Variants in NWD1 observed in about 807,000 individuals in gnomAD.
NWD1 encodes the protein NACHT domain- and WD repeat-containing protein 1.
NWD1 carries 129 observed loss-of-function variants against 135.1 expected under a neutral mutation model. That is an observed-to-expected ratio of 0.96 (90% CI 0.83 to 1.11). The LOEUF (loss-of-function observed/expected upper bound fraction) is 1.11. NWD1 is among the 50% of genes least tolerant of loss of function. The pLI, the probability that NWD1 is intolerant of heterozygous loss-of-function variation, is 0.00. For missense variants in NWD1, 1,740 were observed against 1,851.3 expected, an observed-to-expected ratio of 0.94 and a Z score of 1.10; for synonymous variants, 773 against 786.0, an observed-to-expected ratio of 0.98 and a Z score of 0.28.
intron 10 of NWD1, among the ~76,000 whole-genome samples, chr19:16,772,682 TA>T (rs1438975001): frequency 6.6e-6 from 1 of 151,416 alleles, no homozygotes; most frequent in Non-Finnish European, 1.5e-5. Context: ...AACAAACAAA[TA>T]AATTAGCTGA....
intron 4 of NWD1, among the ~76,000 whole-genome samples, chr19:16,737,964 C>CGAAAAGAAAAGAAAA (rs60410383): frequency 0.03 from 3,689 of 124,614 alleles, 185 homozygotes; most frequent in African/African-American, 0.085. Context: ...GACTCTATCT[C>CGAAAAGAAAAGAAAA]GAAAAGAAAA....
In NWD1 at chr19:16,789,111, A is replaced by T. The variant is rs1970155970; in HGVS notation, c.2861A>T (p.Lys954Ile). ...EKFTIWDGGS[K>I]NPAEPQIWNL... ...TTTACCATTTGGGATGGAGGCTCAA[A>T]AAATCCCGCTGAACCTCAGATCTGG... The change falls in exon 13 of 19, where the codon AAA (lysine) becomes ATA (isoleucine). Residue 954 changes from lysine to isoleucine, a missense_variant. By Grantham distance (102) the Lys-to-Ile change is moderately radical. Transcript: ENST00000524140. The T allele has an allele frequency of 1.2e-6, 2 of 1,614,030 alleles. No individual in the cohort carries two copies. The highest frequency in any genetic ancestry group is 1.7e-6 in the Non-Finnish European group (2 of 1,179,944).
intron 8 of NWD1, among the ~76,000 whole-genome samples, chr19:16,763,257 G>A (rs879872699): frequency 2.0e-5 from 3 of 152,016 alleles, no homozygotes; most frequent in Non-Finnish European, 4.4e-5. Flanking sequence ...TCCTCCCAAG[G>A]ATGCTTCTGA....
intron 3 of NWD1, among the ~76,000 whole-genome samples, chr19:16,735,745 G>A (rs1357232266): frequency 6.6e-6 from 1 of 150,916 alleles, no homozygotes. Context: ...CATAAGAATC[G>A]CTTGAACCCA....
chr19:16,744,549 G>C lies in NWD1; in HGVS notation c.327G>C (p.Gln109His). 6.5e-7 allele frequency: 1 copy of C among 1,535,950 alleles called. No individual in the cohort carries two copies. Among genetic ancestry groups the C allele is most frequent in the Non-Finnish European group, 8.7e-7 (1 of 1,146,828 alleles). The change falls in exon 5 of 19, where the codon CAG (glutamine) becomes CAC (histidine). Residue 109 changes from glutamine (Q) to histidine (H), a missense_variant. Transcript: ENST00000524140. Reference protein sequence around the residue: ...SDLELVARYFQRDENAFPPTY... With the variant: ...SDLELVARYFHRDENAFPPTY... ...TGGAGCTGGTGGCACGATACTTCCA[G>C]AGGGACGAGAATGCGTTTCCTCCCA...
At chr19:16,752,822 G>A (rs1369705079) in intron 6 of NWD1, among the ~76,000 whole-genome samples, 1 of 152,072 alleles carries the variant, frequency 6.6e-6, no homozygotes, top group Non-Finnish European at 1.5e-5. Flanking sequence ...CAAAGTGAGA[G>A]CCCCTGCCTC....
chr19:16,749,915 T>C lies in NWD1; in HGVS notation c.1273T>C (p.Ser425Pro). 6.2e-7 allele frequency: 1 copy of C among 1,613,602 alleles called. No individual in the cohort carries two copies. Among genetic ancestry groups the C allele is most frequent in the Non-Finnish European group, 8.5e-7 (1 of 1,180,028 alleles). Residue 425 changes from serine to proline, a missense_variant, in exon 6 of 19, where the codon TCT becomes CCT. Transcript: ENST00000524140. ...TTTCCATACCCTCCTCCACACTGTC[T>C]CTTGCAGAAACTTCGAGTCTCTCGT... is the stretch of plus-strand genomic sequence containing the variant. Reference protein sequence around the residue: ...QFFHTLLHTVSCRNFESLVLL... With the variant: ...QFFHTLLHTVPCRNFESLVLL...
At position 16,798,975 on chromosome 19, in the gene NWD1, GACCCTCTAAAAAAGGTTTACAGGGC is replaced by G. The variant is rs576570685; in HGVS notation, c.3460-879_3460-855del. ...AAACATTAAAAGTTTTGAGCTTCCA[GACCCTCTAAAAAAGGTTTACAGGGC>G]ACCCTCTAAAAAAGGTTTACAGGGC... is the stretch of plus-strand genomic sequence containing the variant. On this transcript the variant is annotated intron_variant, in intron 16 of 18. Coordinates refer to ENST00000524140, the MANE Select transcript of NWD1 (RefSeq NM_001007525.5). Among the ~76,000 whole-genome samples, 430 of 150,720 alleles carry G rather than the reference GACCCTCTAAAAAAGGTTTACAGGGC, an allele frequency of 2.9e-3. 1 individual carries two copies. The South Asian group carries it at 0.034, about 12-fold the overall frequency.
chr19:16,749,746 C>G lies in NWD1; in HGVS notation c.1104C>G (p.Thr368=). The G allele has an allele frequency of 6.2e-7, 1 of 1,606,916 alleles. No individual in the cohort carries two copies. ...MPRLLGHKTV[T]VLRLLGTSQM... ...GGCTGCTGGGGCACAAGACAGTGACCGTCCTGCGGCTGCTGGGGACGTCAC... is the reference window on the plus strand; with the variant it reads ...GGCTGCTGGGGCACAAGACAGTGACGGTCCTGCGGCTGCTGGGGACGTCAC... The change falls in exon 6 of 19, where the codon ACC becomes ACG. Residue 368 remains threonine, a synonymous_variant. Coordinates refer to ENST00000524140, the MANE Select transcript of NWD1 (RefSeq NM_001007525.5).
intron 11 of NWD1, among the ~76,000 whole-genome samples, chr19:16,778,999 G>C (rs1300086508): frequency 6.6e-6 from 1 of 152,150 alleles, no homozygotes; most frequent in Non-Finnish European, 1.5e-5. Context: ...TGGCAGTACT[G>C]TCCTTGAGCA....
chr19:16,732,670 G>A (rs71336788), intron 3 of NWD1, among the ~76,000 whole-genome samples: 41,694 of 83,476 alleles, frequency 0.5, 12,199 homozygotes, highest in Middle Eastern at 0.57. Flanking sequence ...AAAAAAAAAA[G>A]AAAAAGTGAA....
chr19:16,768,050 G>C (rs1378858560), intron 10 of NWD1, among the ~76,000 whole-genome samples: 3 of 141,724 alleles, frequency 2.1e-5, no homozygotes. Flanking sequence ...GGAGTGCAGT[G>C]GCACGATCTC....
At chr19:16,753,092 G>T (rs1968643101) in intron 6 of NWD1, among the ~76,000 whole-genome samples, 1 of 152,208 alleles carries the variant, frequency 6.6e-6, no homozygotes, top group Non-Finnish European at 1.5e-5. Context: ...GAAGTGAGTT[G>T]TCATGGAAAC....
chr19:16,730,783 C>G (rs1413332555), intron 2 of NWD1, among the ~76,000 whole-genome samples: 3 of 151,906 alleles, frequency 2.0e-5, no homozygotes, highest in African/African-American at 7.3e-5. Flanking sequence ...AATCCCAACA[C>G]TTTGGGAGGC....
At chr19:16,745,730 A>G (rs892720266) in intron 5 of NWD1, among the ~76,000 whole-genome samples, 2 of 151,746 alleles carry the variant, frequency 1.3e-5, no homozygotes, top group South Asian at 4.2e-4. Context: ...ACAGAGAGAG[A>G]CCTGTCTCAA....
At chr19:16,754,328 C>T (rs772077963) in intron 6 of NWD1, among the ~76,000 whole-genome samples, 1 of 151,306 alleles carries the variant, frequency 6.6e-6, no homozygotes, top group Non-Finnish European at 1.5e-5. Context: ...ATCCATCCAT[C>T]CACCCATTGT....
rs1388223251 is a variant in NWD1 at position 16,779,373 on chromosome 19, A to T, written c.2639A>T (p.Glu880Val). The stretch of plus-strand genomic sequence containing the variant: ...ACCGCCATGGCATGGGGTGTGGAGG[A>T]GAAGCTGCTGGTGATTGGCACCCAG... ...GITAMAWGVEEKLLVIGTQDG... is the reference protein window; with the variant it reads ...GITAMAWGVEVKLLVIGTQDG... The change falls in exon 12 of 19, where the codon GAG becomes GTG. Residue 880 changes from glutamate (E) to valine (V), a missense_variant. Glu to Val is a moderately radical substitution (Grantham distance 121). Coordinates refer to ENST00000524140, the MANE Select transcript of NWD1 (RefSeq NM_001007525.5). The T allele has an allele frequency of 1.2e-6, 2 of 1,613,860 alleles. No individual in the cohort carries two copies. Among genetic ancestry groups the T allele is most frequent in the South Asian group, 2.2e-5 (2 of 91,074 alleles).
intron 4 of NWD1, among the ~76,000 whole-genome samples, chr19:16,742,701 G>A (rs951826595): frequency 4.0e-5 from 6 of 151,614 alleles, no homozygotes; most frequent in Non-Finnish European, 7.4e-5. Flanking sequence ...ACGGAGTTTC[G>A]CTCTTGTTGC....
chr19:16,778,325 CT>C (rs1568373381), intron 11 of NWD1, among the ~76,000 whole-genome samples: 1 of 152,076 alleles, frequency 6.6e-6, no homozygotes, highest in Non-Finnish European at 1.5e-5. Context: ...GGCAGAGATC[CT>C]TGGGGTGTGT....
Sources: allele counts gnomAD v4.1 joint callset (sites outside exome capture counted in the v4.1 genomes callset), GRCh38; gene constraint gnomAD v4.1.1; transcripts MANE v1.5; gene names NCBI Gene and HGNC (gene_info 2026-07-23, HGNC 2026-07-21).